NGEF: variants seen among roughly 807,000 people sequenced by gnomAD.
The protein encoded by NGEF is ephexin-1.
In NGEF, 31 loss-of-function variants were observed where a neutral mutation model predicts 80.9. The ratio of observed to expected loss-of-function variants is 0.38; its 90% CI spans 0.29 to 0.52. The LOEUF (loss-of-function observed/expected upper bound fraction) is 0.52, where lower values mean the gene tolerates loss of function less well. NGEF is among the 20% of genes least tolerant of loss of function. The pLI is 0.84. For synonymous variants in NGEF, 371 were observed against 370.2 expected, an observed-to-expected ratio of 1.00 and a Z score of -0.03; for missense variants, 709 against 926.2, an observed-to-expected ratio of 0.77 and a Z score of 3.04.
intron 13 of NGEF, among the ~76,000 whole-genome samples, chr2:232,881,950 T>C (rs569541674): frequency 6.6e-6 from 1 of 152,310 alleles, no homozygotes; most frequent in East Asian, 1.9e-4. Flanking sequence ...TTCTTCCTGG[T>C]GACTTTGTGG....
At chr2:232,888,172 T>G (rs2106222461) in intron 8 of NGEF, 65 bp from the exon 9 acceptor site, 11 of 1,220,784 alleles carry the variant, frequency 9.0e-6, no homozygotes, top group Non-Finnish European at 1.3e-5. Flanking sequence ...TTTCCCACCT[T>G]GACCGTGACT....
In NGEF at chr2:232,879,448, T is replaced by A; in HGVS notation, c.*41A>T. ...CCCCCCCCCCCACCTTCTGTCGGGG[T>A]CTCATGCAGGCCCTGCTCCCGCTGG... is the stretch of plus-strand genomic sequence containing the variant. On this transcript the variant is annotated 3_prime_UTR_variant, in exon 15 of 15. Coordinates refer to ENST00000264051, the MANE Select transcript of NGEF (RefSeq NM_019850.3). 9.3e-7 allele frequency: 1 copy of A among 1,071,590 alleles called. No individual in the cohort carries two copies. The highest frequency in any genetic ancestry group is 1.3e-6 in the Non-Finnish European group (1 of 748,482). 66.4% of individuals were successfully genotyped at this position (1,071,590 alleles called of 1,614,324 possible). A position where few individuals can be genotyped will look rare whatever the true frequency, so the allele number is the denominator to read the frequency against.
At chr2:232,950,475 C>T (rs1013637599) in intron 3 of NGEF, among the ~76,000 whole-genome samples, 1 of 151,928 alleles carries the variant, frequency 6.6e-6, no homozygotes, top group Non-Finnish European at 1.5e-5. Context: ...CCCCCTTTGC[C>T]CCTGGACTGT....
At chr2:232,969,008 C>A (rs752723681) in intron 3 of NGEF, among the ~76,000 whole-genome samples, 1 of 152,184 alleles carries the variant, frequency 6.6e-6, no homozygotes, top group Non-Finnish European at 1.5e-5. Context: ...GGTCACGACC[C>A]TCTAGACTTC....
chr2:232,942,745 G>A (rs1427252496), intron 3 of NGEF, among the ~76,000 whole-genome samples: 1 of 149,010 alleles, frequency 6.7e-6, no homozygotes, highest in Non-Finnish European at 1.5e-5. Flanking sequence ...GGAGGCGCAC[G>A]CCTGTCATCC....
chr2:232,890,888 C>T, intron 8 of NGEF: 1 of 471,156 alleles, frequency 2.1e-6, no homozygotes. Context: ...CCACTCCCGT[C>T]CCCGTCATGT....
chr2:232,914,006 A>G (rs528253067), intron 5 of NGEF, among the ~76,000 whole-genome samples: 14 of 152,322 alleles, frequency 9.2e-5, no homozygotes, highest in Middle Eastern at 3.4e-3. Flanking sequence ...CTGTGTTCAG[A>G]TAATTTGTGT....
chr2:232,913,952 TTG>T (rs1692741158), intron 5 of NGEF, among the ~76,000 whole-genome samples: 2 of 152,122 alleles, frequency 1.3e-5, no homozygotes, highest in African/African-American at 4.8e-5. Context: ...TAAAATAATT[TTG>T]TGTTTGTACC....
At chr2:232,947,943 C>T (rs1008060637) in intron 3 of NGEF, among the ~76,000 whole-genome samples, 11 of 152,092 alleles carry the variant, frequency 7.2e-5, no homozygotes, top group Non-Finnish European at 1.3e-4. Flanking sequence ...TTTAAAAAAA[C>T]GTATTGACAC....
At chr2:232,929,933 C>G (rs1693185040) in intron 3 of NGEF, among the ~76,000 whole-genome samples, 1 of 152,142 alleles carries the variant, frequency 6.6e-6, no homozygotes, top group South Asian at 2.1e-4. Flanking sequence ...CTCACAAGAT[C>G]TGATGGTTTT....
At position 232,894,882 on chromosome 2, in the gene NGEF, T is replaced by C. The variant is rs757681473; in HGVS notation, c.863A>G (p.Tyr288Cys). ...MFELVTSEAS[Y>C]YKSLNLLVSH... Reference sequence around the variant, plus strand: ...CACGAGCAGGTTCAGACTCTTGTAGTAGGACGCCTCGGAAGTGACCAGCTC... The same window carrying C: ...CACGAGCAGGTTCAGACTCTTGTAGCAGGACGCCTCGGAAGTGACCAGCTC... The change falls in exon 6 of 15, where the codon TAC becomes TGC. Residue 288 changes from tyrosine (Y) to cysteine (C), a missense_variant. Tyr to Cys is a radical substitution (Grantham distance 194, BLOSUM62 -2). This residue lies in a region of NGEF where 426 missense variants were observed against 622.9 expected (regional missense o/e 0.68). Transcript: ENST00000264051. 1 of 1,604,006 alleles carries C rather than the reference T, an allele frequency of 6.2e-7. No homozygotes were observed. Among genetic ancestry groups the C allele is most frequent in the Non-Finnish European group, 8.5e-7 (1 of 1,172,546 alleles).
At chr2:232,960,130 A>T (rs531381464) in intron 3 of NGEF, among the ~76,000 whole-genome samples, 62 of 152,396 alleles carry the variant, frequency 4.1e-4, no homozygotes, top group Non-Finnish European at 7.9e-4. Flanking sequence ...TGTTTTAACA[A>T]GGCTGATGCT....
intron 3 of NGEF, among the ~76,000 whole-genome samples, chr2:232,955,052 A>G (rs1406026933): frequency 6.6e-6 from 1 of 152,206 alleles, no homozygotes; most frequent in Non-Finnish European, 1.5e-5. Context: ...AGATGAGGAC[A>G]CTGAGGCAGA....
At chr2:232,927,723 C>T (rs1168697628) in intron 3 of NGEF, among the ~76,000 whole-genome samples, 1 of 151,914 alleles carries the variant, frequency 6.6e-6, no homozygotes, top group Non-Finnish European at 1.5e-5. Context: ...AACACCCACC[C>T]GATGGGGTGC....
At chr2:232,938,616 G>A (rs979976478) in intron 3 of NGEF, among the ~76,000 whole-genome samples, 1 of 151,982 alleles carries the variant, frequency 6.6e-6, no homozygotes, top group African/African-American at 2.4e-5. Context: ...ACTATAGGCC[G>A]GGTGTGGTGG....
chr2:232,982,660 C>T (rs1230202828), intron 1 of NGEF, among the ~76,000 whole-genome samples: 1 of 152,154 alleles, frequency 6.6e-6, no homozygotes, highest in Non-Finnish European at 1.5e-5. Flanking sequence ...ATTATAGGTG[C>T]CCGCTACCAC....
chr2:232,968,959 T>C (rs1694124301), intron 3 of NGEF, among the ~76,000 whole-genome samples: 1 of 152,182 alleles, frequency 6.6e-6, no homozygotes. Context: ...AGTAGAAAGC[T>C]AGAAGGAGCC....
chr2:232,879,702 G>A (rs529606581), intron 14 of NGEF, 23 bp from the exon 15 acceptor site: 10 of 1,600,156 alleles, frequency 6.2e-6, no homozygotes, highest in Non-Finnish European at 8.5e-6. Flanking sequence ...GGGAGGGAGA[G>A]AAGGTCAGTG....
rs1185981239 is a variant in NGEF at position 232,959,584 on chromosome 2, T to C, written c.383+10630A>G. On this transcript the variant is annotated intron_variant, in intron 3 of 14. Coordinates refer to ENST00000264051, the MANE Select transcript of NGEF (RefSeq NM_019850.3). ...GGCGATTCCACAGCAATGACCTTTT[T>C]TTTTTTTTTTTTAAGACAGAGCTTC... is the stretch of plus-strand genomic sequence containing the variant. 2.6e-5 allele frequency among the ~76,000 whole-genome samples: 4 copies of C among 151,390 alleles called. No individual in the cohort carries two copies. In the East Asian group the frequency reaches 7.8e-4, roughly 29 times the overall value.
Sources: allele counts gnomAD v4.1 joint callset (sites outside exome capture counted in the v4.1 genomes callset), GRCh38; gene constraint gnomAD v4.1.1; regional missense constraint gnomAD v4.1.1; transcripts MANE v1.5; gene names NCBI Gene and HGNC (gene_info 2026-07-23, HGNC 2026-07-21).